The following TCF4 variants were observed in gnomAD, a reference collection of about 807,000 sequenced individuals.
TCF4 encodes transcription factor 4, also known as SL3-3 enhancer factor 2.
Under a neutral mutation model 82.1 loss-of-function variants are expected in TCF4, and 3 were observed. The observed-to-expected ratio is 0.04, with a 90% CI of 0.02 to 0.09. The LOEUF is 0.09. Among genes scored for constraint, TCF4 ranks in the 10% least tolerant of loss-of-function variants. The pLI, the probability that TCF4 is intolerant of heterozygous loss-of-function variation, is 1.00. For synonymous variants in TCF4, 276 were observed against 309.6 expected, an observed-to-expected ratio of 0.89 and a Z score of 1.14; for missense variants, 518 against 852.7, an observed-to-expected ratio of 0.61 and a Z score of 4.89.
chr18:55,581,376 T>C (rs1289524484), intron 3 of TCF4, among the ~76,000 whole-genome samples: 3 of 152,046 alleles, frequency 2.0e-5, no homozygotes, highest in Admixed American at 6.6e-5. Context: ...GGGCAACATT[T>C]CTAATGGGTT....
intron 5 of TCF4, among the ~76,000 whole-genome samples, chr18:55,456,209 T>C (rs995852427): frequency 6.6e-6 from 1 of 152,258 alleles, no homozygotes; most frequent in African/African-American, 2.4e-5. Flanking sequence ...CTAACCCAGA[T>C]GAGATTCAAA....
chr18:55,470,401 G>A (rs988160752), intron 3 of TCF4, among the ~76,000 whole-genome samples: 3 of 152,250 alleles, frequency 2.0e-5, no homozygotes, highest in Middle Eastern at 3.4e-3. Context: ...TACCTTCTCC[G>A]TGACCCTGTA....
In TCF4 at chr18:55,460,420, G is replaced by A. The variant is rs534267574; in HGVS notation, c.304+599C>T. ...AGGATGCCAGGATGAATGGCATGCCGGAGATTCACAGACAGCCTCAAACTA... is the reference window on the plus strand; with the variant it reads ...AGGATGCCAGGATGAATGGCATGCCAGAGATTCACAGACAGCCTCAAACTA... On this transcript the variant is annotated intron_variant, in intron 5 of 19. Coordinates refer to ENST00000354452, the MANE Select transcript of TCF4 (RefSeq NM_001083962.2). Among the ~76,000 whole-genome samples the A allele has an allele frequency of 1.9e-4, 29 of 152,196 alleles. 1 individual carries two copies. The South Asian group carries it at 4.4e-3, about 23-fold the overall frequency.
upstream of TCF4, among the ~76,000 whole-genome samples, chr18:55,592,098 C>T (rs1052297102): frequency 2.6e-5 from 4 of 151,918 alleles, no homozygotes; most frequent in Admixed American, 6.6e-5. Context: ...ATTGGAGGCA[C>T]CTAAGAAAAG....
intron 15 of TCF4, among the ~76,000 whole-genome samples, chr18:55,241,994 C>T (rs774182190): frequency 2.0e-5 from 3 of 152,166 alleles, no homozygotes; most frequent in Admixed American, 1.3e-4. Context: ...TGTTCAATTA[C>T]CTACGCATGG....
At chr18:55,250,928 T>A (rs1418591543) in intron 15 of TCF4, among the ~76,000 whole-genome samples, 1 of 151,862 alleles carries the variant, frequency 6.6e-6, no homozygotes, top group Non-Finnish European at 1.5e-5. Context: ...CTAGCATGAG[T>A]GGGGTAGCAA....
In TCF4 at chr18:55,585,658, C is replaced by T. The variant is rs34603418; in HGVS notation, c.73-306G>A. ...CAAGATTCAGGTTGGAGGCCAGCAG[C>T]CTCTCTAGAAAAACACTAGTTTCAC... On this transcript the variant is annotated intron_variant, in intron 2 of 19. Coordinates refer to ENST00000354452, the MANE Select transcript of TCF4 (RefSeq NM_001083962.2). 106,864 of 715,118 alleles carry T rather than the reference C, an allele frequency of 0.15. 9,021 individuals carry two copies. Among genetic ancestry groups the T allele is most frequent in the Admixed American group, 0.27 (6,188 of 22,576 alleles). 44.3% of individuals were successfully genotyped at this position (715,118 alleles called of 1,614,324 possible).
intron 3 of TCF4, among the ~76,000 whole-genome samples, chr18:55,493,167 GA>G (rs2096593789): frequency 6.6e-6 from 1 of 152,138 alleles, no homozygotes; most frequent in Non-Finnish European, 1.5e-5. Flanking sequence ...AGTGACCCTA[GA>G]AAACTGTCCT....
intron 11 of TCF4, among the ~76,000 whole-genome samples, chr18:55,263,387 A>G (rs986061653): frequency 5.3e-5 from 8 of 152,182 alleles, no homozygotes; most frequent in Non-Finnish European, 1.0e-4. Context: ...AATATTTAAT[A>G]TAAGATAAAA....
intron 5 of TCF4, among the ~76,000 whole-genome samples, chr18:55,408,170 T>C (rs572113434): frequency 1.3e-5 from 2 of 152,294 alleles, no homozygotes; most frequent in East Asian, 3.9e-4. Flanking sequence ...AAATTATATA[T>C]AAATGGTAGG....
chr18:55,292,884 T>C (rs1014367665), intron 8 of TCF4, among the ~76,000 whole-genome samples: 3 of 152,136 alleles, frequency 2.0e-5, no homozygotes, highest in Non-Finnish European at 4.4e-5. Flanking sequence ...CATATATACA[T>C]ACATATGTGT....
At chr18:55,623,894 G>T (rs144367636) in intron 2 of TCF4, among the ~76,000 whole-genome samples, 1 of 152,084 alleles carries the variant, frequency 6.6e-6, no homozygotes, top group African/African-American at 2.4e-5. Flanking sequence ...ACTTATGAGA[G>T]AGATTTTAAA....
intron 5 of TCF4, among the ~76,000 whole-genome samples, chr18:55,432,351 A>G (rs1335581203): frequency 1.3e-5 from 2 of 152,164 alleles, no homozygotes; most frequent in African/African-American, 2.4e-5. Context: ...GCAGCGCTGA[A>G]CAGAGATTTG....
At chr18:55,570,782 A>G (rs909355109) in intron 3 of TCF4, among the ~76,000 whole-genome samples, 4 of 150,928 alleles carry the variant, frequency 2.7e-5, no homozygotes, top group African/African-American at 9.7e-5. Context: ...CGGGAGGCTG[A>G]GGCAAGAGGA....
intron 6 of TCF4, among the ~76,000 whole-genome samples, chr18:55,377,897 G>C (rs1371473640): frequency 6.6e-6 from 1 of 152,090 alleles, no homozygotes; most frequent in Non-Finnish European, 1.5e-5. Context: ...CTCTAGAAAA[G>C]TTACTTTATT....
At chr18:55,289,649 G>A (rs1173160036) in intron 8 of TCF4, among the ~76,000 whole-genome samples, 1 of 152,080 alleles carries the variant, frequency 6.6e-6, no homozygotes, top group Non-Finnish European at 1.5e-5. Context: ...AATAGGTTTG[G>A]TTATATCTGC....
At chr18:55,290,777 A>G (rs774486056) in intron 8 of TCF4, among the ~76,000 whole-genome samples, 4 of 152,142 alleles carry the variant, frequency 2.6e-5, no homozygotes, top group Non-Finnish European at 5.9e-5. Flanking sequence ...CACAAGCAGA[A>G]AGTCACACTT....
intron 3 of TCF4, among the ~76,000 whole-genome samples, chr18:55,556,409 AATAAG>A (rs1301804051): frequency 6.6e-6 from 1 of 152,260 alleles, no homozygotes; most frequent in African/African-American, 2.4e-5. Context: ...AATGTAAATA[AATAAG>A]ATATTAAATT....
At chr18:55,586,014 G>C (rs1454645028) in intron 2 of TCF4, 2 of 1,355,040 alleles carry the variant, frequency 1.5e-6, no homozygotes, top group Non-Finnish European at 1.9e-6. Flanking sequence ...GGAACGAATG[G>C]AGAAAGTGCA....
Sources: gnomAD v4.1 joint callset for allele counts (sites outside exome capture counted in the v4.1 genomes callset) on GRCh38, gnomAD v4.1.1 for gene constraint, MANE v1.5 for transcripts, NCBI Gene and HGNC (gene_info 2026-07-23, HGNC 2026-07-21) for gene names.